Variants in NTRK2 observed in about 807,000 individuals in gnomAD.
NTRK2 encodes neurotrophic receptor tyrosine kinase 2.
NTRK2 carries 13 observed loss-of-function variants against 94.5 expected under a neutral mutation model. That is an observed-to-expected ratio of 0.14 (90% CI 0.09 to 0.22). NTRK2 has a LOEUF of 0.22. Among genes scored for constraint, NTRK2 ranks in the 10% least tolerant of loss-of-function variants. The pLI is 1.00. For missense variants in NTRK2, 639 were observed against 1,071.2 expected, an observed-to-expected ratio of 0.60 and a Z score of 5.63; for synonymous variants, 372 against 407.4, an observed-to-expected ratio of 0.91 and a Z score of 1.05.
intron 1 of NTRK2, 94 bp from the exon 2 acceptor site, chr9:84,670,283 G>C (rs1223617860): frequency 3.9e-6 from 1 of 258,012 alleles, no homozygotes; most frequent in African/African-American, 2.2e-5. Flanking sequence ...GGCTGGGGTC[G>C]GGGTGGGGAT....
chr9:84,952,445 A>T lies in NTRK2; in HGVS notation c.1938-2838A>T, dbSNP rs571927797. ...CAGGGAGCTGATGGTGCTTTTTTTA[A>T]TTTTGTTATTTTTTTACCTCTTAAG... On this transcript the variant is annotated intron_variant, in intron 16 of 18. Coordinates refer to ENST00000277120, the MANE Select transcript of NTRK2 (RefSeq NM_006180.6). Among the ~76,000 whole-genome samples, 273 of 152,204 alleles carry T rather than the reference A, an allele frequency of 1.8e-3. 4 individuals are homozygous for T. The highest frequency in any genetic ancestry group is 6.3e-3 in the African/African-American group (262 of 41,526).
At chr9:84,843,248 GTTA>G (rs1358989474) in intron 12 of NTRK2, among the ~76,000 whole-genome samples, 1 of 152,292 alleles carries the variant, frequency 6.6e-6, no homozygotes, top group East Asian at 1.9e-4. Flanking sequence ...TAGATGAGTA[GTTA>G]TTATGCCTGC....
intron 12 of NTRK2, 130 bp downstream of exon 12, chr9:84,752,215 C>A: frequency 5.2e-6 from 4 of 762,984 alleles, no homozygotes; most frequent in South Asian, 1.5e-5. Context: ...AAAATAGCAA[C>A]AAGGCTTTGA....
At chr9:84,918,662 T>C (rs554584507) in intron 14 of NTRK2, among the ~76,000 whole-genome samples, 4 of 152,240 alleles carry the variant, frequency 2.6e-5, no homozygotes, top group Non-Finnish European at 5.9e-5. Flanking sequence ...TTTGGCAGCA[T>C]GGTTAAGGGA....
intron 12 of NTRK2, among the ~76,000 whole-genome samples, chr9:84,758,066 CAT>C (rs2065231239): frequency 2.0e-5 from 3 of 151,750 alleles, no homozygotes; most frequent in Admixed American, 2.0e-4. Context: ...ATATCTTTAT[CAT>C]GTGAAAAATA....
At position 85,022,300 on chromosome 9, in the gene NTRK2, T is replaced by A. The variant is rs141725149; in HGVS notation, c.*863T>A. ...TTTCCCATCACCAGAAATGATAGCGTGCAGTAGAGAGCAAAGATGGCTTCC... is the reference window on the plus strand; with the variant it reads ...TTTCCCATCACCAGAAATGATAGCGAGCAGTAGAGAGCAAAGATGGCTTCC... On this transcript the variant is annotated 3_prime_UTR_variant, in exon 19 of 19. Transcript: ENST00000277120. 154 of 233,250 alleles carry A rather than the reference T, an allele frequency of 6.6e-4. 1 individual carries two copies. The East Asian group carries it at 8.9e-3, about 14-fold the overall frequency. The allele number at this position is 233,250 out of a possible 1,614,324, so 14.4% of individuals were successfully genotyped here.
intron 14 of NTRK2, among the ~76,000 whole-genome samples, chr9:84,883,568 T>G (rs2076328907): frequency 6.6e-6 from 1 of 152,208 alleles, no homozygotes; most frequent in African/African-American, 2.4e-5. Context: ...ATAATCAACA[T>G]GGAACTTGAT....
chr9:84,715,860 C>T (rs1318764624), intron 6 of NTRK2, among the ~76,000 whole-genome samples: 1 of 152,078 alleles, frequency 6.6e-6, no homozygotes, highest in Non-Finnish European at 1.5e-5. Flanking sequence ...TCAGTCACCT[C>T]CCCTGGCATA....
chr9:85,012,051 C>T (rs1252365434), intron 17 of NTRK2, among the ~76,000 whole-genome samples: 4 of 149,918 alleles, frequency 2.7e-5, no homozygotes, highest in Non-Finnish European at 5.9e-5. Context: ...TGCAGGGGCG[C>T]GATCTCGGCT....
intron 14 of NTRK2, among the ~76,000 whole-genome samples, chr9:84,891,118 T>C (rs2076580776): frequency 6.6e-6 from 1 of 152,112 alleles, no homozygotes; most frequent in African/African-American, 2.4e-5. Context: ...TTCTTGCCTG[T>C]GGCCGATAGT....
At chr9:84,752,301 G>A (rs1387892850) in intron 12 of NTRK2, among the ~76,000 whole-genome samples, 3 of 152,300 alleles carry the variant, frequency 2.0e-5, no homozygotes, top group East Asian at 3.9e-4. Context: ...CAGTTGTCCC[G>A]GGAGACAGAA....
At chr9:85,019,394 A>C (rs1832584961) in intron 17 of NTRK2, among the ~76,000 whole-genome samples, 1 of 152,206 alleles carries the variant, frequency 6.6e-6, no homozygotes, top group Admixed American at 6.5e-5. Flanking sequence ...GAAATCGGGC[A>C]TCCCTGACAA....
intron 17 of NTRK2, among the ~76,000 whole-genome samples, chr9:84,989,376 G>A (rs1164035757): frequency 6.6e-6 from 1 of 151,990 alleles, no homozygotes; most frequent in Non-Finnish European, 1.5e-5. Context: ...AGATATTTAT[G>A]GAATGTCTAT....
At chr9:84,897,637 G>T (rs1208054077) in intron 14 of NTRK2, among the ~76,000 whole-genome samples, 2 of 152,220 alleles carry the variant, frequency 1.3e-5, no homozygotes, top group Non-Finnish European at 2.9e-5. Context: ...ATGAGGCTGA[G>T]AATGATGCCT....
rs79668880 is a variant in NTRK2, at chr9:84,944,978, C to T, written c.1765-3484C>T. 7.8e-3 allele frequency among the ~76,000 whole-genome samples: 1,193 copies of T among 152,322 alleles called. 18 individuals carry two copies. Among genetic ancestry groups the T allele is most frequent in the African/African-American group, 0.026 (1,086 of 41,570 alleles). On this transcript the variant is annotated intron_variant, in intron 15 of 18. Coordinates refer to ENST00000277120, the MANE Select transcript of NTRK2 (RefSeq NM_006180.6). ...AAACCAGGGTCAGAGAGCTCGAGGG[C>T]AGAGCCAGGATTTGAACCTGCTTCT...
At chr9:84,800,784 C>T (rs1005926538) in intron 12 of NTRK2, among the ~76,000 whole-genome samples, 5 of 152,144 alleles carry the variant, frequency 3.3e-5, no homozygotes, top group Admixed American at 1.3e-4. Context: ...AGGGCACGAG[C>T]CCACCCTGTA....
chr9:84,740,159 G>A (rs991892714), intron 9 of NTRK2, among the ~76,000 whole-genome samples: 16 of 152,254 alleles, frequency 1.1e-4, no homozygotes, highest in African/African-American at 3.6e-4. Flanking sequence ...ATGGTGAGGG[G>A]GACTCCATTT....
intron 8 of NTRK2, among the ~76,000 whole-genome samples, chr9:84,727,213 T>G (rs1462811014): frequency 6.6e-6 from 1 of 152,234 alleles, no homozygotes; most frequent in African/African-American, 2.4e-5. Context: ...TTAAAAGTCA[T>G]TTTTGTTATT....
chr9:84,754,819 G>A (rs571563798), intron 12 of NTRK2, among the ~76,000 whole-genome samples: 91 of 152,330 alleles, frequency 6.0e-4, no homozygotes, highest in Admixed American at 1.9e-3. Flanking sequence ...GGGACAGGAG[G>A]AAGGTGGCCA....
Sources: gnomAD v4.1 joint callset for allele counts (sites outside exome capture counted in the v4.1 genomes callset) on GRCh38, gnomAD v4.1.1 for gene constraint, MANE v1.5 for transcripts, NCBI Gene and HGNC (gene_info 2026-07-23, HGNC 2026-07-21) for gene names.